Variants in STAT5B observed in about 807,000 individuals in gnomAD.
The protein encoded by STAT5B is signal transducer and activator of transcription 5B.
STAT5B carries 21 observed loss-of-function variants against 107.8 expected under a neutral mutation model. The observed-to-expected ratio is 0.19, with a 90% CI of 0.14 to 0.28. STAT5B has a LOEUF of 0.28. Ranked by LOEUF, STAT5B falls within the 10% of genes least tolerant of loss-of-function variation. The probability of loss-of-function intolerance (pLI) is 1.00; values close to 1 mark genes in which losing one functional copy is unlikely to be tolerated. For missense variants in STAT5B, 565 were observed against 1,008.2 expected (o/e 0.56, Z 5.95); for synonymous variants, 325 against 401.7 (o/e 0.81, Z 2.28).
At chr17:42,229,536 G>GT (rs941849000) in intron 2 of STAT5B, among the ~76,000 whole-genome samples, 18 of 148,618 alleles carry the variant, frequency 1.2e-4, no homozygotes, top group African/African-American at 3.5e-4. Flanking sequence ...TTAATTCTCT[G>GT]TTAAAAAAAA....
At chr17:42,265,730 T>A (rs1186679583) in intron 1 of STAT5B, among the ~76,000 whole-genome samples, 1 of 152,110 alleles carries the variant, frequency 6.6e-6, no homozygotes, top group Non-Finnish European at 1.5e-5. Context: ...TTTCAACCAA[T>A]GAGTATGAAA....
intron 15 of STAT5B, among the ~76,000 whole-genome samples, chr17:42,209,383 A>G (rs2080111236): frequency 6.6e-6 from 1 of 152,226 alleles, no homozygotes; most frequent in African/African-American, 2.4e-5. Flanking sequence ...TAATTCACAG[A>G]AAATGAACCA....
chr17:42,201,934 C>T, intron 18 of STAT5B, 70 bp from the exon 19 acceptor site: 1 of 1,500,580 alleles, frequency 6.7e-7, no homozygotes. Flanking sequence ...GCCCCACAGG[C>T]CACCAGGGGA....
intron 1 of STAT5B, chr17:42,234,423 A>T (rs1409879774): frequency 6.6e-6 from 1 of 152,238 alleles, no homozygotes; most frequent in Non-Finnish European, 1.5e-5. Context: ...TAGATAAAAG[A>T]GCTCTCTCCA....
chr17:42,216,855 T>C (rs2144239906), intron 11 of STAT5B, among the ~76,000 whole-genome samples: 1 of 152,140 alleles, frequency 6.6e-6, no homozygotes, highest in Middle Eastern at 3.4e-3. Flanking sequence ...TTTTTGTACT[T>C]TTTAGTAGAG....
chr17:42,253,534 T>A (rs1045603142), intron 1 of STAT5B, among the ~76,000 whole-genome samples: 5 of 152,194 alleles, frequency 3.3e-5, no homozygotes, highest in Non-Finnish European at 7.3e-5. Flanking sequence ...ATAATGGCAA[T>A]ACATATCCAT....
In STAT5B at chr17:42,201,830, C is replaced by T. The variant is rs1489641088; in HGVS notation, c.2272G>A (p.Asp758Asn). Residue 758 changes from aspartate to asparagine, a missense_variant, in exon 19 of 19, where the codon GAT becomes AAT. Coordinates refer to ENST00000293328, the MANE Select transcript of STAT5B (RefSeq NM_012448.4). Reference sequence around the variant, plus strand: ...GCTACGTCCATTGTGTCCTCCAGATCGAAGTCCCCATCGGTGTCAAGGACT... The same window carrying T: ...GCTACGTCCATTGTGTCCTCCAGATTGAAGTCCCCATCGGTGTCAAGGACT... Reference protein sequence around the residue: ...DSVLDTDGDFDLEDTMDVARR... With the variant: ...DSVLDTDGDFNLEDTMDVARR... 5 of 1,613,906 alleles carry T rather than the reference C, an allele frequency of 3.1e-6. No individual in the cohort carries two copies. In the South Asian group the frequency reaches 3.3e-5, roughly 11 times the overall value.
chr17:42,242,422 CAT>C (rs1182855825), intron 1 of STAT5B, among the ~76,000 whole-genome samples: 1 of 152,146 alleles, frequency 6.6e-6, no homozygotes, highest in Non-Finnish European at 1.5e-5. Context: ...GGAAAAGGTG[CAT>C]TTCTGTGGAT....
intron 1 of STAT5B, among the ~76,000 whole-genome samples, chr17:42,235,873 C>G (rs1286281502): frequency 1.3e-5 from 2 of 152,152 alleles, no homozygotes; most frequent in South Asian, 4.1e-4. Context: ...AATAAATACA[C>G]AAACAAATAT....
chr17:42,254,288 GA>G (rs1234300462), intron 1 of STAT5B, among the ~76,000 whole-genome samples: 1 of 152,184 alleles, frequency 6.6e-6, no homozygotes, highest in Non-Finnish European at 1.5e-5. Context: ...GCTGAGGTGG[GA>G]GGATGGCTTG....
chr17:42,217,669 G>T, intron 9 of STAT5B: 1 of 595,694 alleles, frequency 1.7e-6, no homozygotes, highest in Non-Finnish European at 2.9e-6. Context: ...TATCTTCACA[G>T]AAAACAGTTC....
intron 1 of STAT5B, among the ~76,000 whole-genome samples, chr17:42,255,440 C>T (rs1180861245): frequency 3.3e-5 from 5 of 152,178 alleles, no homozygotes; most frequent in Admixed American, 2.6e-4. Context: ...ACTCATTGCA[C>T]ATGCATCACT....
chr17:42,221,848 C>T lies in STAT5B; in HGVS notation c.550+1534G>A, dbSNP rs1282072471. Among the ~76,000 whole-genome samples the T allele has an allele frequency of 2.0e-5, 3 of 152,026 alleles. No homozygotes were observed. The East Asian group carries it at 5.8e-4, about 29-fold the overall frequency. The stretch of plus-strand genomic sequence containing the variant: ...GATAAAGAGTAAATAAGTAGTATCA[C>T]TATAGACATAAAATGGAACCTACAT... On this transcript the variant is annotated intron_variant, in intron 5 of 18. Transcript: ENST00000293328.
chr17:42,282,876 G>A, the STAT5B span, among the ~76,000 whole-genome samples: 1 of 152,198 alleles, frequency 6.6e-6, no homozygotes, highest in Non-Finnish European at 1.5e-5. Flanking sequence ...CCAGGTAGAT[G>A]GAATGAAAGG....
chr17:42,249,290 G>A (rs1231530413), intron 1 of STAT5B, among the ~76,000 whole-genome samples: 1 of 152,138 alleles, frequency 6.6e-6, no homozygotes, highest in Non-Finnish European at 1.5e-5. Flanking sequence ...CTACTCGGGA[G>A]GCTGAGGCAG....
At chr17:42,237,288 C>A (rs1186873528) in intron 1 of STAT5B, among the ~76,000 whole-genome samples, 1 of 152,084 alleles carries the variant, frequency 6.6e-6, no homozygotes, top group Non-Finnish European at 1.5e-5. Flanking sequence ...ATGTTACAGG[C>A]TTACTGAAAA....
At chr17:42,287,823 T>G in the STAT5B span, 1 of 152,316 alleles carries the variant, frequency 6.6e-6, no homozygotes, top group East Asian at 1.9e-4. Context: ...CTGAAACACA[T>G]GACTGCCAAG....
chr17:42,219,592 G>T (rs1230703301), intron 6 of STAT5B, 120 bp downstream of exon 6: 1 of 1,287,338 alleles, frequency 7.8e-7, no homozygotes, highest in Non-Finnish European at 1.1e-6. Flanking sequence ...AAGGCCCCCA[G>T]GAAAAAAGGC....
At chr17:42,283,912 G>A in the STAT5B span, among the ~76,000 whole-genome samples, 1 of 152,086 alleles carries the variant, frequency 6.6e-6, no homozygotes, top group Non-Finnish European at 1.5e-5. Context: ...GTGCAGGTAG[G>A]CTGTCCAAGC....
Sources: gnomAD v4.1 joint callset for allele counts (sites outside exome capture counted in the v4.1 genomes callset) on GRCh38, gnomAD v4.1.1 for gene constraint, MANE v1.5 for transcripts, NCBI Gene and HGNC (gene_info 2026-07-23, HGNC 2026-07-21) for gene names.